The following ATP11B variants were observed in gnomAD, a reference collection of about 807,000 sequenced individuals.
The protein encoded by ATP11B is ATPase phospholipid transporting 11B (putative).
In ATP11B, 81 loss-of-function variants were observed where a neutral mutation model predicts 157.8. The observed-to-expected ratio is 0.51, with a 90% confidence interval of 0.43 to 0.62. ATP11B has a LOEUF of 0.62. Ranked by LOEUF, ATP11B falls within the 20% of genes least tolerant of loss-of-function variation. ATP11B has a pLI of 0.00. For synonymous variants in ATP11B, 451 were observed against 469.4 expected, an observed-to-expected ratio of 0.96 and a Z score of 0.51; for missense variants, 1,165 against 1,402.2, an observed-to-expected ratio of 0.83 and a Z score of 2.70.
intron 1 of ATP11B, among the ~76,000 whole-genome samples, chr3:182,803,247 C>G (rs932853648): frequency 6.6e-6 from 1 of 152,138 alleles, no homozygotes; most frequent in Non-Finnish European, 1.5e-5. Context: ...AAAAAACGTA[C>G]CAGTCTGATG....
intron 2 of ATP11B, among the ~76,000 whole-genome samples, chr3:182,821,813 TATATC>T (rs886333540): frequency 6.6e-6 from 1 of 152,204 alleles, no homozygotes; most frequent in Non-Finnish European, 1.5e-5. Flanking sequence ...AAGTTTTCCT[TATATC>T]ATAACTATTG....
At chr3:182,914,371 G>A in intron 29 of ATP11B, 1 of 984,386 alleles carries the variant, frequency 1.0e-6, no homozygotes, top group Non-Finnish European at 1.2e-6. Flanking sequence ...TTTGCTTTTT[G>A]TCTTTACAAA....
chr3:182,873,782 C>G, intron 18 of ATP11B, 30 bp from the exon 19 acceptor site: 2 of 1,557,882 alleles, frequency 1.3e-6, no homozygotes, highest in Non-Finnish European at 1.8e-6. Flanking sequence ...AAAGTATTCT[C>G]TACTACTAAT....
Position 182,865,534 on chromosome 3 carries a change from A to G in ATP11B, c.1279A>G (p.Met427Val). Residue 427 changes from methionine to valine, a missense_variant, in exon 13 of 30, where the codon ATG (methionine) becomes GTG (valine). Transcript: ENST00000323116. ...GTTTCGGGAATGTTCAATTAATGGC[A>G]TGAAATACCAAGAAATTAATGGTAG... is the stretch of plus-strand genomic sequence containing the variant. ...MQFRECSINGMKYQEINGRLV... is the reference protein window; with the variant it reads ...MQFRECSINGVKYQEINGRLV... 1 of 1,613,868 alleles carries G rather than the reference A, an allele frequency of 6.2e-7. No individual in the cohort carries two copies. The highest frequency in any genetic ancestry group is 8.5e-7 in the Non-Finnish European group (1 of 1,179,850).
intron 9 of ATP11B, among the ~76,000 whole-genome samples, chr3:182,847,915 G>A (rs1330891579): frequency 6.6e-6 from 1 of 152,190 alleles, no homozygotes; most frequent in East Asian, 1.9e-4. Context: ...CATTACTACT[G>A]TCATCCTTGC....
chr3:182,916,967 C>T (rs1444792150), intron 29 of ATP11B: 1 of 982,912 alleles, frequency 1.0e-6, no homozygotes, highest in East Asian at 1.1e-4. Context: ...ACTGGGTGCC[C>T]AATATATGTC....
intron 25 of ATP11B, 42 bp downstream of exon 25, chr3:182,889,590 T>A (rs1228616124): frequency 7.5e-6 from 11 of 1,468,524 alleles, no homozygotes; most frequent in Non-Finnish European, 9.1e-6. Flanking sequence ...GTTAATATTT[T>A]ATGGGTTTTT....
intron 18 of ATP11B, among the ~76,000 whole-genome samples, chr3:182,873,259 C>T (rs923612783): frequency 1.3e-5 from 2 of 152,070 alleles, no homozygotes; most frequent in Non-Finnish European, 2.9e-5. Flanking sequence ...AGATTGAATT[C>T]TGCAGATTAA....
rs770172855 is a variant in ATP11B, at chr3:182,866,381, A to G, written c.1557A>G (p.Pro519=). The G allele has an allele frequency of 1.9e-6, 3 of 1,613,914 alleles. No individual in the cohort carries two copies. The highest frequency in any genetic ancestry group is 1.7e-5 in the Admixed American group (1 of 59,998). ...GDGPWQSNLA[P]SQLEYYASSP... is the part of the protein sequence containing the mutation. The stretch of plus-strand genomic sequence containing the variant: ...GTCCCTGGCAATCCAACCTGGCACC[A>G]TCGCAGTTGGAGTACTATGCATCTT... The change falls in exon 14 of 30, where the codon CCA becomes CCG. Residue 519 remains proline, a synonymous_variant. Transcript: ENST00000323116.
intron 3 of ATP11B, 129 bp downstream of exon 3, chr3:182,828,338 T>C (rs192258429): frequency 1.0e-4 from 46 of 457,314 alleles, no homozygotes; most frequent in African/African-American, 7.9e-4. Flanking sequence ...TGCTTCTGCA[T>C]TGTATTCAGT....
At chr3:182,800,785 A>ATTTT (rs34173579) in intron 1 of ATP11B, among the ~76,000 whole-genome samples, 4 of 135,132 alleles carry the variant, frequency 3.0e-5, no homozygotes, top group African/African-American at 8.5e-5. Context: ...AATTCTTTTG[A>ATTTT]TTTTTTTTTT....
At chr3:182,845,912 A>G (rs1719481573) in intron 9 of ATP11B, among the ~76,000 whole-genome samples, 2 of 152,230 alleles carry the variant, frequency 1.3e-5, no homozygotes, top group Admixed American at 1.3e-4. Context: ...CCATTCATAC[A>G]TTCATTCAAC....
At chr3:182,900,341 T>C (rs1393393917) in intron 28 of ATP11B, among the ~76,000 whole-genome samples, 1 of 152,230 alleles carries the variant, frequency 6.6e-6, no homozygotes, top group African/African-American at 2.4e-5. Flanking sequence ...TTGTTAGAGA[T>C]AACGAGTATG....
chr3:182,861,687 C>T (rs1251315942), intron 12 of ATP11B, among the ~76,000 whole-genome samples: 2 of 152,160 alleles, frequency 1.3e-5, no homozygotes, highest in South Asian at 2.1e-4. Flanking sequence ...CTTATTGTAT[C>T]AGTTGCATTG....
chr3:182,834,773 A>G (rs1167834398), intron 4 of ATP11B, among the ~76,000 whole-genome samples: 2 of 152,186 alleles, frequency 1.3e-5, no homozygotes, highest in Non-Finnish European at 2.9e-5. Context: ...TGTTAAGCAC[A>G]ATTGACCCTT....
chr3:182,803,377 C>G (rs144243815), intron 1 of ATP11B, among the ~76,000 whole-genome samples: 1 of 152,284 alleles, frequency 6.6e-6, no homozygotes, highest in East Asian at 1.9e-4. Flanking sequence ...GTAGTTTGGC[C>G]TTTCCTAATT....
At chr3:182,797,651 T>C (rs1715707842) in intron 1 of ATP11B, among the ~76,000 whole-genome samples, 1 of 151,940 alleles carries the variant, frequency 6.6e-6, no homozygotes, top group South Asian at 2.1e-4. Flanking sequence ...AAGGTTGCAG[T>C]AAGCCAAGAT....
chr3:182,825,117 C>T (rs1183777184), intron 2 of ATP11B, among the ~76,000 whole-genome samples: 8 of 152,188 alleles, frequency 5.3e-5, no homozygotes, highest in African/African-American at 1.9e-4. Context: ...TCTCACAAAG[C>T]CATGATGAGC....
chr3:182,896,759 A>C lies in ATP11B; in HGVS notation c.3042A>C (p.Thr1014=). ...LVFTVMVITV[T]VKMALETHFW... ...TCACAGTCATGGTTATTACAGTCACAGTAAAGGTATGGTACTGAAATTAGA... is the reference window on the plus strand; with the variant it reads ...TCACAGTCATGGTTATTACAGTCACCGTAAAGGTATGGTACTGAAATTAGA... The change falls in exon 26 of 30, where the codon ACA becomes ACC. Residue 1014 remains threonine, a synonymous_variant. Transcript: ENST00000323116. The C allele has an allele frequency of 1.2e-6, 2 of 1,612,674 alleles. No individual in the cohort carries two copies. Among genetic ancestry groups the C allele is most frequent in the Non-Finnish European group, 1.7e-6 (2 of 1,178,940 alleles).
Sources: allele counts gnomAD v4.1 joint callset (sites outside exome capture counted in the v4.1 genomes callset), GRCh38; gene constraint gnomAD v4.1.1; transcripts MANE v1.5; gene names NCBI Gene and HGNC (gene_info 2026-07-23, HGNC 2026-07-21).